Variants in AMZ1 observed in about 807,000 individuals in gnomAD.
AMZ1 encodes archaelysin family metallopeptidase 1, also known as archaemetzincin-1.
In AMZ1, 39 loss-of-function variants were observed where a neutral mutation model predicts 29.9. The ratio of observed to expected loss-of-function variants is 1.30; its 90% CI spans 1.01 to 1.70. AMZ1 has a LOEUF of 1.70. AMZ1 is among the 40% of genes most tolerant of loss of function. The pLI, the probability that AMZ1 is intolerant of heterozygous loss-of-function variation, is 0.00. For synonymous variants in AMZ1, 458 were observed against 304.0 expected, an observed-to-expected ratio of 1.51 and a Z score of -5.27; for missense variants, 1,041 against 680.6, an observed-to-expected ratio of 1.53 and a Z score of -5.89.
downstream of AMZ1, among the ~76,000 whole-genome samples, chr7:2,721,223 T>C (rs1430212367): frequency 1.3e-5 from 2 of 151,630 alleles, no homozygotes; most frequent in African/African-American, 2.4e-5. Flanking sequence ...AGCTCAGGAG[T>C]GGAAGCACAG....
intron 4 of AMZ1, among the ~76,000 whole-genome samples, chr7:2,742,476 C>A (rs980844735): frequency 8.5e-5 from 13 of 152,210 alleles, no homozygotes; most frequent in African/African-American, 3.1e-4. Flanking sequence ...AAGAGCCCTG[C>A]TCCTGTTTAT....
intron 1 of AMZ1, among the ~76,000 whole-genome samples, chr7:2,692,276 C>T (rs938391189): frequency 1.3e-5 from 2 of 152,062 alleles, no homozygotes; most frequent in Non-Finnish European, 2.9e-5. Context: ...CGTGGTGGCT[C>T]ACGCCTGTAA....
At chr7:2,686,299 G>A (rs1583133626), upstream of AMZ1, among the ~76,000 whole-genome samples, 1 of 152,296 alleles carries the variant, frequency 6.6e-6, no homozygotes, top group East Asian at 1.9e-4. Context: ...TTGGGAGGCC[G>A]AGCTGGGAGG....
At chr7:2,690,681 C>T (rs991668644) in intron 1 of AMZ1, among the ~76,000 whole-genome samples, 11 of 152,236 alleles carry the variant, frequency 7.2e-5, no homozygotes, top group African/African-American at 1.9e-4. Context: ...GGTCGTGGCT[C>T]CTCTGTGCGT....
In AMZ1 at chr7:2,731,879, A is replaced by C; in HGVS notation, n.550+22063A>C. On this transcript the variant is annotated intron_variant and non_coding_transcript_variant, in intron 4 of 4. Coordinates refer to the AMZ1 transcript ENST00000489665. This position sits in a 1 kb window ranked among gnomAD's most constrained non-coding sequence, Gnocchi z 6.0. ...TTGCAACAGGTTGAACCAGAAACCA[A>C]AAGCAAATTTCATTTATAACATTAT... The C allele has an allele frequency of 7.5e-6, 4 of 533,340 alleles. No individual in the cohort carries two copies. Among genetic ancestry groups the C allele is most frequent in the Non-Finnish European group, 1.3e-5 (4 of 306,906 alleles). 33.0% of individuals were successfully genotyped at this position (533,340 alleles called of 1,614,324 possible). A position where few individuals can be genotyped will look rare whatever the true frequency, so the allele number is the denominator to read the frequency against.
Position 2,718,758 on chromosome 7 carries a change from C to T in AMZ1, c.*5880C>T, listed in dbSNP as rs946908070. ...GCTTGGTCTTGTGGTCAGGGAGAAG[C>T]GGGCAGGCCAGGGCCGAGCTGCGTC... On this transcript the variant is annotated 3_prime_UTR_variant, in exon 7 of 7. Coordinates refer to ENST00000683327, the MANE Select transcript of AMZ1 (RefSeq NM_001384743.1). 1.5e-4 allele frequency among the ~76,000 whole-genome samples: 23 copies of T among 152,324 alleles called. 1 individual carries two copies. The East Asian group carries it at 3.1e-3, about 20-fold the overall frequency.
intron 2 of AMZ1, 97 bp from the exon 3 acceptor site, chr7:2,702,625 G>A: frequency 7.3e-7 from 1 of 1,370,756 alleles, no homozygotes; most frequent in Non-Finnish European, 9.5e-7. Context: ...CATTGGCCTT[G>A]TTCACCCAGC....
At position 2,709,785 on chromosome 7, in the gene AMZ1, T is replaced by C; in HGVS notation, c.917T>C (p.Val306Ala). ...CPICLRKLQH[V>A]LGFRLIERYQ... ...ATCTGCCTGAGGAAGCTGCAGCATG[T>C]CCTGGGTTTCAGGCTCATCGAGAGG... is the stretch of plus-strand genomic sequence containing the variant. The change falls in exon 6 of 7, where the codon GTC (valine) becomes GCC (alanine). Residue 306 changes from valine to alanine, a missense_variant. Physicochemically the swap from Val to Ala is moderately conservative, Grantham distance 64. Coordinates refer to ENST00000683327, the MANE Select transcript of AMZ1 (RefSeq NM_001384743.1). 1 of 1,612,080 alleles carries C rather than the reference T, an allele frequency of 6.2e-7. No individual in the cohort carries two copies. The highest frequency in any genetic ancestry group is 1.1e-5 in the South Asian group (1 of 91,030).
intron 1 of AMZ1, among the ~76,000 whole-genome samples, chr7:2,682,726 C>T (rs1193863517): frequency 1.3e-5 from 2 of 152,070 alleles, no homozygotes; most frequent in African/African-American, 2.4e-5. Flanking sequence ...CCCCTTCACC[C>T]CCCAGCCCCT....
chr7:2,709,003 G>T, intron 4 of AMZ1, 72 bp from the exon 5 acceptor site: 1 of 1,482,716 alleles, frequency 6.7e-7, no homozygotes, highest in Non-Finnish European at 9.0e-7. Flanking sequence ...AGAGCATGAG[G>T]TGGGTTTGAC....
intron 6 of AMZ1, among the ~76,000 whole-genome samples, chr7:2,710,638 G>A (rs967549428): frequency 4.6e-5 from 7 of 152,352 alleles, no homozygotes; most frequent in South Asian, 2.1e-4. Flanking sequence ...ACTAGAGGCC[G>A]TGGCATTTCT....
Position 2,708,676 on chromosome 7 carries a change from G to A in AMZ1, c.561G>A (p.Glu187=). 1 of 1,613,170 alleles carries A rather than the reference G, an allele frequency of 6.2e-7. No homozygotes were observed. Among genetic ancestry groups the A allele is most frequent in the Non-Finnish European group, 8.5e-7 (1 of 1,180,006 alleles). ...GLTLSDLYPH[E]AWSFTFSKFL... is the part of the protein sequence containing the mutation. ...CACTGTCTGACCTGTACCCCCATGA[G>A]GCCTGGAGCTTCACCTTCAGCAAGT... Residue 187 remains glutamate (E), a synonymous_variant, in exon 4 of 7, where the codon GAG becomes GAA. Transcript: ENST00000683327.
chr7:2,712,845 G>C lies in AMZ1; in HGVS notation c.1464G>C (p.Ser488=), dbSNP rs140941586. 1 of 1,526,912 alleles carries C rather than the reference G, an allele frequency of 6.5e-7. No individual in the cohort carries two copies. The highest frequency in any genetic ancestry group is 1.3e-5 in the South Asian group (1 of 76,888). The allele number at this position is 1,526,912 out of a possible 1,614,324, so 94.6% of individuals were successfully genotyped here. A position where few individuals can be genotyped will look rare whatever the true frequency, so the allele number is the denominator to read the frequency against. Residue 488 remains serine (S), a synonymous_variant, in exon 7 of 7, where the codon TCG becomes TCC. Transcript: ENST00000683327. ...LSARKLARAE[S]APRPWDGEES ...CCCGAAAACTCGCCAGAGCAGAGTC[G>C]GCCCCCCGTCCCTGGGATGGGGAAG... is the stretch of plus-strand genomic sequence containing the variant.
chr7:2,735,989 G>T (rs1478434939), intron 4 of AMZ1, among the ~76,000 whole-genome samples: 3 of 152,142 alleles, frequency 2.0e-5, no homozygotes, highest in Non-Finnish European at 2.9e-5. Flanking sequence ...GTGCACTGCG[G>T]TTCACCAACA....
intron 4 of AMZ1, among the ~76,000 whole-genome samples, chr7:2,738,285 A>G (rs1024447629): frequency 5.7e-4 from 46 of 80,922 alleles, no homozygotes; most frequent in African/African-American, 1.5e-3. Context: ...GCTCCATCTA[A>G]AAAAAAAAAA....
intron 1 of AMZ1, among the ~76,000 whole-genome samples, chr7:2,682,200 G>A (rs538828694): frequency 1.3e-5 from 2 of 151,964 alleles, no homozygotes; most frequent in East Asian, 1.9e-4. Flanking sequence ...CTGGGAGCTC[G>A]CCCTGCTTGG....
At chr7:2,688,895 G>A (rs896690065) in intron 1 of AMZ1, among the ~76,000 whole-genome samples, 6 of 152,248 alleles carry the variant, frequency 3.9e-5, no homozygotes, top group African/African-American at 1.4e-4. Context: ...ACAGAGAAAT[G>A]GCAAACTTTA....
chr7:2,693,191 T>A (rs931702446), intron 1 of AMZ1, among the ~76,000 whole-genome samples: 1 of 152,166 alleles, frequency 6.6e-6, no homozygotes, highest in Non-Finnish European at 1.5e-5. Context: ...AACCTCCGCC[T>A]CCCGAGTTTA....
chr7:2,692,474 G>A (rs1326738320), intron 1 of AMZ1, among the ~76,000 whole-genome samples: 3 of 152,166 alleles, frequency 2.0e-5, no homozygotes, highest in Non-Finnish European at 4.4e-5. Flanking sequence ...CCCGGGAAGC[G>A]GAGGTTGCAG....
Sources: allele counts gnomAD v4.1 joint callset (sites outside exome capture counted in the v4.1 genomes callset), GRCh38; gene constraint gnomAD v4.1.1; non-coding constraint Gnocchi (gnomAD v3.1); transcripts MANE v1.5; gene names NCBI Gene and HGNC (gene_info 2026-07-23, HGNC 2026-07-21).